Variants in THEMIS observed in about 807,000 individuals in gnomAD.
THEMIS encodes the protein protein THEMIS.
Under a neutral mutation model 52.6 loss-of-function variants are expected in THEMIS, and 37 were observed. The ratio of observed to expected loss-of-function variants is 0.70; its 90% CI spans 0.54 to 0.93. The LOEUF (loss-of-function observed/expected upper bound fraction) is 0.93. Among genes scored for constraint, THEMIS ranks in the 40% least tolerant of loss-of-function variants. The pLI is 0.00. For missense variants in THEMIS, 808 were observed against 763.1 expected (o/e 1.06, Z -0.69); for synonymous variants, 292 against 272.7 (o/e 1.07, Z -0.70).
Position 127,799,244 on chromosome 6 carries a change from G to A in THEMIS, c.1758+13639C>T, listed in dbSNP as rs568340493. Among the ~76,000 whole-genome samples the A allele has an allele frequency of 2.6e-5, 4 of 152,274 alleles. 1 individual carries two copies. In the South Asian group the frequency reaches 8.3e-4, roughly 32 times the overall value. ...TTAGAATTATCAAATTGTCAGTAAT[G>A]TGGATAATAAATTTAAGTGTGGTGA... On this transcript the variant is annotated intron_variant, in intron 4 of 5. Coordinates refer to ENST00000368248, the MANE Select transcript of THEMIS (RefSeq NM_001010923.3).
intron 3 of THEMIS, 48 bp downstream of exon 3, chr6:127,829,428 C>A: frequency 1.4e-6 from 2 of 1,461,628 alleles, no homozygotes; most frequent in African/African-American, 2.8e-5. Flanking sequence ...CTTTCCCAAA[C>A]CCCATAATGC....
In THEMIS at chr6:127,708,244, G is replaced by T. The variant is rs1366348276; in HGVS notation, c.*1741C>A. 3 of 152,040 alleles carry T rather than the reference G, an allele frequency of 2.0e-5. No individual in the cohort carries two copies. Among genetic ancestry groups the T allele is most frequent in the African/African-American group, 7.2e-5 (3 of 41,402 alleles). 9.4% of individuals were successfully genotyped at this position (152,040 alleles called of 1,614,324 possible). A position where few individuals can be genotyped will look rare whatever the true frequency, so the allele number is the denominator to read the frequency against. On this transcript the variant is annotated 3_prime_UTR_variant, in exon 6 of 6. Transcript: ENST00000368248. ...TTTCAACCTTCCCAAATCTCCAATA[G>T]GTGAGCATGAAGTTTATTACACTTT... is the stretch of plus-strand genomic sequence containing the variant.
chr6:127,826,503 C>T (rs1388816032), intron 3 of THEMIS, among the ~76,000 whole-genome samples: 1 of 151,906 alleles, frequency 6.6e-6, no homozygotes. Context: ...ACCATACCTC[C>T]CAAATTTGAG....
intron 3 of THEMIS, among the ~76,000 whole-genome samples, chr6:127,823,898 A>C (rs1778419273): frequency 6.6e-6 from 1 of 152,150 alleles, no homozygotes; most frequent in African/African-American, 2.4e-5. Context: ...CCTTAATCTA[A>C]ATGAAGACAG....
intron 4 of THEMIS, among the ~76,000 whole-genome samples, chr6:127,743,183 T>A (rs1181938165): frequency 6.6e-6 from 1 of 152,168 alleles, no homozygotes; most frequent in Non-Finnish European, 1.5e-5. Context: ...ACTAGGTGAC[T>A]GTCTTGTCCA....
intron 4 of THEMIS, among the ~76,000 whole-genome samples, chr6:127,790,106 A>G (rs1018630810): frequency 2.6e-5 from 4 of 152,242 alleles, no homozygotes; most frequent in African/African-American, 9.6e-5. Flanking sequence ...TGCAGATGAC[A>G]TGATTGAATA....
At chr6:127,758,774 AAG>A (rs1435761512) in intron 4 of THEMIS, among the ~76,000 whole-genome samples, 1 of 152,098 alleles carries the variant, frequency 6.6e-6, no homozygotes, top group Non-Finnish European at 1.5e-5. Context: ...AATCACATGA[AAG>A]AAAGAAAGAA....
chr6:127,847,496 A>G (rs1025518397), intron 2 of THEMIS, among the ~76,000 whole-genome samples: 2 of 152,036 alleles, frequency 1.3e-5, no homozygotes, highest in Non-Finnish European at 2.9e-5. Flanking sequence ...AACAATGACC[A>G]AACTGAGAAT....
the THEMIS span, among the ~76,000 whole-genome samples, chr6:127,697,722 T>C: frequency 6.6e-5 from 10 of 152,188 alleles, no homozygotes; most frequent in Admixed American, 2.6e-4. Context: ...ATATGACTAC[T>C]GTGATCACTT....
intron 4 of THEMIS, among the ~76,000 whole-genome samples, chr6:127,779,548 A>G (rs762561142): frequency 8.5e-5 from 13 of 152,168 alleles, no homozygotes; most frequent in Non-Finnish European, 7.4e-5. Flanking sequence ...AAGTCACTGA[A>G]AAATATACTA....
chr6:127,788,324 A>G (rs1777045904), intron 4 of THEMIS, among the ~76,000 whole-genome samples: 1 of 152,202 alleles, frequency 6.6e-6, no homozygotes, highest in South Asian at 2.1e-4. Context: ...ATTGCCTCTC[A>G]ATAATCAAAT....
intron 3 of THEMIS, among the ~76,000 whole-genome samples, chr6:127,822,590 A>G (rs1178563715): frequency 6.6e-6 from 1 of 152,150 alleles, no homozygotes; most frequent in South Asian, 2.1e-4. Context: ...AAGAAAAGCA[A>G]ATAAACACTT....
downstream of THEMIS, among the ~76,000 whole-genome samples, chr6:127,705,633 C>G (rs535448653): frequency 6.6e-6 from 1 of 152,268 alleles, no homozygotes; most frequent in Admixed American, 6.5e-5. Context: ...CTTTTCCTTT[C>G]CACAGTGCCT....
chr6:127,806,045 T>A (rs1311014351), intron 4 of THEMIS, among the ~76,000 whole-genome samples: 2 of 152,202 alleles, frequency 1.3e-5, no homozygotes, highest in Admixed American at 1.3e-4. Flanking sequence ...TCAATTTTAG[T>A]GATTACAGGC....
At chr6:127,741,279 G>C (rs374900139) in intron 4 of THEMIS, among the ~76,000 whole-genome samples, 2 of 152,046 alleles carry the variant, frequency 1.3e-5, no homozygotes, top group East Asian at 1.9e-4. Context: ...TCAAATAATG[G>C]TGTGTACCTC....
chr6:127,907,374 C>T (rs993299858), intron 1 of THEMIS, among the ~76,000 whole-genome samples: 7 of 32,330 alleles, frequency 2.2e-4, no homozygotes, highest in African/African-American at 5.4e-4. Flanking sequence ...TTTGCATGAG[C>T]GACATTTCAG....
chr6:127,776,734 C>G (rs952844458), intron 4 of THEMIS, among the ~76,000 whole-genome samples: 7 of 152,182 alleles, frequency 4.6e-5, no homozygotes, highest in African/African-American at 1.7e-4. Context: ...AGATAACTAA[C>G]ATAGATATTG....
At chr6:127,864,667 T>C (rs1779916694) in intron 1 of THEMIS, among the ~76,000 whole-genome samples, 2 of 152,072 alleles carry the variant, frequency 1.3e-5, no homozygotes, top group South Asian at 4.1e-4. Flanking sequence ...TCCTAACAAA[T>C]ACTAAATCAA....
At chr6:127,871,078 T>C (rs182385830) in intron 1 of THEMIS, among the ~76,000 whole-genome samples, 1 of 152,238 alleles carries the variant, frequency 6.6e-6, no homozygotes, top group African/African-American at 2.4e-5. Context: ...TGCTGAGATA[T>C]CCTGTGCCAT....
Sources: gnomAD v4.1 joint callset for allele counts (sites outside exome capture counted in the v4.1 genomes callset) on GRCh38, gnomAD v4.1.1 for gene constraint, MANE v1.5 for transcripts, NCBI Gene and HGNC (gene_info 2026-07-23, HGNC 2026-07-21) for gene names.